DNAJC13: variants seen among roughly 807,000 people sequenced by gnomAD.
DNAJC13 encodes dnaJ homolog subfamily C member 13.
In DNAJC13, 75 loss-of-function variants were observed where a neutral mutation model predicts 290.5. The observed-to-expected ratio is 0.26, with a 90% CI of 0.21 to 0.31. The LOEUF is 0.31. DNAJC13 is among the 10% of genes least tolerant of loss of function. The probability of loss-of-function intolerance (pLI) is 1.00; values close to 1 mark genes in which losing one functional copy is unlikely to be tolerated. For synonymous variants in DNAJC13, 862 were observed against 892.0 expected (o/e 0.97, Z 0.60); for missense variants, 2,260 against 2,674.5 (o/e 0.85, Z 3.42).
chr3:132,488,174 C>A, intron 29 of DNAJC13, 124 bp from the exon 30 acceptor site: 1 of 776,864 alleles, frequency 1.3e-6, no homozygotes, highest in Non-Finnish European at 1.9e-6. Flanking sequence ...AGCTTACTGA[C>A]TCCCATGGGT....
chr3:132,537,327 A>G (rs1936626124), intron 55 of DNAJC13: 1 of 436,712 alleles, frequency 2.3e-6, no homozygotes, highest in Admixed American at 2.5e-5. Flanking sequence ...CTAACCCTCA[A>G]TGTTCCTTAG....
At chr3:132,436,515 C>G (rs945499930) in intron 2 of DNAJC13, among the ~76,000 whole-genome samples, 1 of 152,140 alleles carries the variant, frequency 6.6e-6, no homozygotes, top group African/African-American at 2.4e-5. Context: ...GTGAATGTTT[C>G]CATATTTCCA....
chr3:132,524,403 C>T (rs1366657432), intron 51 of DNAJC13, among the ~76,000 whole-genome samples: 2 of 152,136 alleles, frequency 1.3e-5, no homozygotes, highest in African/African-American at 2.4e-5. Context: ...TGGTTCCAGC[C>T]ATACCACTGA....
At chr3:132,481,788 T>C (rs930816443) in intron 26 of DNAJC13, among the ~76,000 whole-genome samples, 2 of 152,226 alleles carry the variant, frequency 1.3e-5, no homozygotes, top group African/African-American at 2.4e-5. Context: ...CAGATACTTA[T>C]TGGAACTCTT....
chr3:132,506,348 G>A lies in DNAJC13; in HGVS notation c.4999-889G>A, dbSNP rs139248275. Among the ~76,000 whole-genome samples the A allele has an allele frequency of 7.1e-3, 1,069 of 151,198 alleles. 10 individuals are homozygous for A. Among genetic ancestry groups the A allele is most frequent in the African/African-American group, 0.024 (1,007 of 41,238 alleles). ...ATTACAGGCCTGAGTCACCGCGCCCGGCCTTCTGTACATTATCTTTTACCA... is the reference window on the plus strand; with the variant it reads ...ATTACAGGCCTGAGTCACCGCGCCCAGCCTTCTGTACATTATCTTTTACCA... On this transcript the variant is annotated intron_variant, in intron 42 of 55. Coordinates refer to ENST00000260818, the MANE Select transcript of DNAJC13 (RefSeq NM_015268.4).
intron 24 of DNAJC13, 108 bp downstream of exon 24, chr3:132,478,248 T>G: frequency 1.1e-6 from 1 of 928,490 alleles, no homozygotes; most frequent in Non-Finnish European, 1.5e-6. Context: ...TACTGTAACT[T>G]TCTGCATTCA....
At chr3:132,446,127 G>GTT (rs1345459567) in intron 2 of DNAJC13, among the ~76,000 whole-genome samples, 2 of 143,334 alleles carry the variant, frequency 1.4e-5, no homozygotes, top group Admixed American at 7.0e-5. Context: ...GGTATGCAGT[G>GTT]TTTTTTTTTT....
In DNAJC13 at chr3:132,460,374, T is replaced by C; in HGVS notation, c.1557+17T>C. 6.5e-7 allele frequency: 1 copy of C among 1,534,972 alleles called. No individual in the cohort carries two copies. The highest frequency in any genetic ancestry group is 1.1e-5 in the South Asian group (1 of 88,706). On this transcript the variant is annotated intron_variant, in intron 14 of 55. Coordinates refer to ENST00000260818, the MANE Select transcript of DNAJC13 (RefSeq NM_015268.4). ...TCCCATGTGGTAAGTTATAATTAAA[T>C]TTGTCTTCATGGTAGATACCATACC...
chr3:132,506,764 A>C (rs770614029), intron 42 of DNAJC13, among the ~76,000 whole-genome samples: 1 of 150,970 alleles, frequency 6.6e-6, no homozygotes, highest in Non-Finnish European at 1.5e-5. Context: ...GTTGGCCAAG[A>C]TGGTCTCGAT....
intron 55 of DNAJC13, among the ~76,000 whole-genome samples, chr3:132,533,831 A>G (rs1936505927): frequency 6.6e-6 from 1 of 152,182 alleles, no homozygotes; most frequent in South Asian, 2.1e-4. Flanking sequence ...GTGAACCAAA[A>G]GGTCTGTGGT....
chr3:132,479,279 T>A lies in DNAJC13; in HGVS notation c.2762T>A (p.Ile921Asn). Reference sequence around the variant, plus strand: ...TTGATTCTCTTCCTTAACAAGTTGATCCTTAATAAGGTACAGTAGTTTCGC... The same window carrying A: ...TTGATTCTCTTCCTTAACAAGTTGAACCTTAATAAGGTACAGTAGTTTCGC... The part of the protein sequence containing the change: ...DRLILFLNKL[I>N]LNKKNVKDLM... The change falls in exon 25 of 56, where the codon ATC (isoleucine) becomes AAC (asparagine). Residue 921 changes from isoleucine (I) to asparagine (N), a missense_variant. Transcript: ENST00000260818. The A allele has an allele frequency of 1.2e-6, 2 of 1,602,884 alleles. No individual in the cohort carries two copies. Among genetic ancestry groups the A allele is most frequent in the Non-Finnish European group, 8.5e-7 (1 of 1,170,412 alleles).
chr3:132,448,179 C>A (rs966794028), intron 5 of DNAJC13, among the ~76,000 whole-genome samples: 3 of 152,088 alleles, frequency 2.0e-5, no homozygotes, highest in Non-Finnish European at 4.4e-5. Flanking sequence ...ACCTTTGGAG[C>A]ATTAAAAGCA....
At position 132,494,308 on chromosome 3, in the gene DNAJC13, C is replaced by T. The variant is rs755221959; in HGVS notation, c.3941+49C>T. 11 of 1,358,684 alleles carry T rather than the reference C, an allele frequency of 8.1e-6. No individual in the cohort carries two copies. The Admixed American group carries it at 1.1e-4, about 13-fold the overall frequency. 84.2% of individuals were successfully genotyped at this position (1,358,684 alleles called of 1,614,324 possible). On this transcript the variant is annotated intron_variant, in intron 34 of 55. Transcript: ENST00000260818. ...CAAATGTCTGTCCCACCTTAAAGTACCAGTATCAAAGACTAAGTTATATTT... is the reference window on the plus strand; with the variant it reads ...CAAATGTCTGTCCCACCTTAAAGTATCAGTATCAAAGACTAAGTTATATTT...
intron 1 of DNAJC13, among the ~76,000 whole-genome samples, chr3:132,427,685 G>A (rs1207335304): frequency 1.3e-5 from 2 of 152,190 alleles, no homozygotes; most frequent in Non-Finnish European, 2.9e-5. Context: ...ATTAATAAAA[G>A]ATTTAGAGAA....
At chr3:132,418,879 T>C (rs1250034627) in intron 1 of DNAJC13, among the ~76,000 whole-genome samples, 1 of 152,206 alleles carries the variant, frequency 6.6e-6, no homozygotes, top group Non-Finnish European at 1.5e-5. Flanking sequence ...TACCAGTACT[T>C]TGAGTTTATG....
intron 48 of DNAJC13, among the ~76,000 whole-genome samples, chr3:132,519,067 A>G (rs1369467252): frequency 6.6e-6 from 1 of 152,218 alleles, no homozygotes; most frequent in Admixed American, 6.5e-5. Context: ...CAATGGACAC[A>G]TGGATTGTTT....
At chr3:132,432,226 A>G (rs1195356518) in intron 1 of DNAJC13, among the ~76,000 whole-genome samples, 2 of 151,862 alleles carry the variant, frequency 1.3e-5, no homozygotes, top group Non-Finnish European at 2.9e-5. Flanking sequence ...GGGGGGGGAC[A>G]GAGTCTTGCT....
chr3:132,509,813 T>C (rs1935712361), intron 43 of DNAJC13, among the ~76,000 whole-genome samples: 1 of 152,256 alleles, frequency 6.6e-6, no homozygotes. Flanking sequence ...GCACGTAGTT[T>C]TTTTTAGACA....
chr3:132,534,156 C>A (rs1200764916), intron 55 of DNAJC13, among the ~76,000 whole-genome samples: 1 of 152,082 alleles, frequency 6.6e-6, no homozygotes, highest in Non-Finnish European at 1.5e-5. Flanking sequence ...TAAAACCCAA[C>A]CAGGAAGGGG....
Sources: gnomAD v4.1 joint callset for allele counts (sites outside exome capture counted in the v4.1 genomes callset) on GRCh38, gnomAD v4.1.1 for gene constraint, MANE v1.5 for transcripts, NCBI Gene and HGNC (gene_info 2026-07-23, HGNC 2026-07-21) for gene names.